MYO7A: variants seen among roughly 807,000 people sequenced by gnomAD.
MYO7A encodes the protein myosin VIIA.
In MYO7A, 210 loss-of-function variants were observed where a neutral mutation model predicts 263.8. The ratio of observed to expected loss-of-function variants is 0.80; its 90% CI spans 0.71 to 0.89. The LOEUF (loss-of-function observed/expected upper bound fraction) is 0.89, where lower values mean the gene tolerates loss of function less well. Ranked by LOEUF, MYO7A falls within the 40% of genes least tolerant of loss-of-function variation. MYO7A has a pLI of 0.00. For missense variants in MYO7A, 2,820 were observed against 2,968.3 expected, an observed-to-expected ratio of 0.95 and a Z score of 1.16; for synonymous variants, 1,239 against 1,197.3, an observed-to-expected ratio of 1.03 and a Z score of -0.72.
At chr11:77,209,003 G>A in intron 44 of MYO7A, 200 bp downstream of exon 44, 1 of 585,296 alleles carries the variant, frequency 1.7e-6, no homozygotes, top group South Asian at 2.1e-5. Flanking sequence ...TCAGCCCTTA[G>A]GGGCTTGACA....
chr11:77,208,626 G>T, intron 43 of MYO7A, 71 bp from the exon 44 acceptor site: 1 of 1,500,626 alleles, frequency 6.7e-7, no homozygotes, highest in South Asian at 1.2e-5. Flanking sequence ...GCCTCCTCTG[G>T]GTCTGGGCTC....
Position 77,202,397 on chromosome 11 carries a change from TG to T in MYO7A, c.5143del (p.Glu1715ArgfsTer16). The T allele has an allele frequency of 6.4e-7, 1 of 1,554,004 alleles. No homozygotes were observed. On this transcript the variant is annotated frameshift_variant, in exon 37 of 49. Transcript: ENST00000409709. LOFTEE classifies it high-confidence loss of function. ...GAGGTGCGTGCCAAGCCCTACACGCTGGAGGAGTTTTCCTATGACTACTTCA... is the reference window on the plus strand; with the variant it reads ...GAGGTGCGTGCCAAGCCCTACACGCTGAGGAGTTTTCCTATGACTACTTCA... ...EPEVRAKPYT[L>X]EEFSYDYFRP...
chr11:77,190,063 C>T lies in MYO7A; in HGVS notation c.3674C>T (p.Pro1225Leu), dbSNP rs772373370. 27 of 1,574,792 alleles carry T rather than the reference C, an allele frequency of 1.7e-5. No homozygotes were observed. Among genetic ancestry groups the T allele is most frequent in the Admixed American group, 5.6e-5 (3 of 54,026 alleles). Reference sequence around the variant, plus strand: ...CACGGGGGCCCGCCCGGCTACGCCCCGTACTGTGAGGAGCGCCTGAGAAGG... The same window carrying T: ...CACGGGGGCCCGCCCGGCTACGCCCTGTACTGTGAGGAGCGCCTGAGAAGG... ...FIHGGPPGYA[P>L]YCEERLRRTF... The change falls in exon 29 of 49, where the codon CCG (proline) becomes CTG (leucine). Residue 1225 changes from proline to leucine, a missense_variant. Transcript: ENST00000409709.
intron 4 of MYO7A, among the ~76,000 whole-genome samples, chr11:77,153,261 G>A (rs1434295273): frequency 6.6e-6 from 1 of 152,034 alleles, no homozygotes; most frequent in Non-Finnish European, 1.5e-5. Context: ...TGAGGGAGGG[G>A]TGTCCAGGGG....
chr11:77,191,137 T>C, intron 30 of MYO7A: 1 of 335,446 alleles, frequency 3.0e-6, no homozygotes, highest in Non-Finnish European at 5.5e-6. Context: ...CTGGCTAATG[T>C]AGTGAAACCT....
chr11:77,176,904 A>G (rs1369055139), intron 18 of MYO7A, among the ~76,000 whole-genome samples: 1 of 152,166 alleles, frequency 6.6e-6, no homozygotes, highest in African/African-American at 2.4e-5. Context: ...AAGTGAACCA[A>G]TGAAGTTTTG....
At chr11:77,172,991 T>C in intron 16 of MYO7A, 106 bp downstream of exon 16, 1 of 1,421,442 alleles carries the variant, frequency 7.0e-7, no homozygotes, top group Non-Finnish European at 9.4e-7. Flanking sequence ...ACTTTGTCCC[T>C]TTGGGGAATG....
intron 31 of MYO7A, among the ~76,000 whole-genome samples, chr11:77,193,480 AT>A (rs1394954022): frequency 1.4e-5 from 2 of 144,390 alleles, no homozygotes; most frequent in African/African-American, 5.2e-5. Flanking sequence ...GGTAGTGATG[AT>A]GGTGGTGATG....
intron 10 of MYO7A, 54 bp from the exon 11 acceptor site, chr11:77,160,109 G>C: frequency 2.0e-6 from 3 of 1,533,636 alleles, no homozygotes; most frequent in Non-Finnish European, 2.6e-6. Flanking sequence ...TCCGGGTGTG[G>C]GTGGAGGGAG....
chr11:77,205,625 G>GAAA lies in MYO7A; in HGVS notation c.5636+8_5636+9insAAA. ...GCTCCAGAAAGCCCTGAGGTACAGC[G>GAAA]GCCACCAGGGGCAGGGACAGACACT... On this transcript the variant is annotated intron_variant, in intron 40 of 48. Coordinates refer to ENST00000409709, the MANE Select transcript of MYO7A (RefSeq NM_000260.4). 2 of 1,612,964 alleles carry GAAA rather than the reference G, an allele frequency of 1.2e-6. No individual in the cohort carries two copies. Among genetic ancestry groups the GAAA allele is most frequent in the Non-Finnish European group, 1.7e-6 (2 of 1,179,738 alleles).
intron 30 of MYO7A, 55 bp downstream of exon 30, chr11:77,190,925 C>T (rs1406957552): frequency 4.4e-5 from 66 of 1,488,646 alleles, no homozygotes; most frequent in Admixed American, 1.3e-4. Flanking sequence ...GGCCCCACTC[C>T]GGGCTGCCAG....
chr11:77,181,688 T>C (rs1955198704), intron 23 of MYO7A, 99 bp downstream of exon 23: 3 of 1,176,342 alleles, frequency 2.6e-6, no homozygotes, highest in African/African-American at 3.0e-5. Flanking sequence ...ACCCAGTCCC[T>C]CTGAACAGTG....
chr11:77,199,651 G>T lies in MYO7A; in HGVS notation c.4685G>T (p.Gly1562Val), dbSNP rs1433214850. The T allele has an allele frequency of 1.2e-6, 2 of 1,612,542 alleles. No homozygotes were observed. Among genetic ancestry groups the T allele is most frequent in the Admixed American group, 3.3e-5 (2 of 59,886 alleles). Residue 1562 changes from glycine (G) to valine (V), a missense_variant, in exon 35 of 49, where the codon GGA becomes GTA. Coordinates refer to ENST00000409709, the MANE Select transcript of MYO7A (RefSeq NM_000260.4). ...TGTTCTCCGTGTTGGTCCTGCAGGG[G>T]AGCGAAAACGACGGCCCCCAGCTTC... ...GPCSPCWSCR[G>V]AKTTAPSFTL... is the part of the protein sequence containing the mutation.
chr11:77,180,262 T>TTTGG, intron 21 of MYO7A, 112 bp from the exon 22 acceptor site: 1 of 900,834 alleles, frequency 1.1e-6, no homozygotes, highest in Non-Finnish European at 1.8e-6. Flanking sequence ...ACTTGTCCTA[T>TTTGG]CAAAGTCATG....
chr11:77,154,290 G>A (rs1555059631), intron 4 of MYO7A, among the ~76,000 whole-genome samples: 1 of 152,188 alleles, frequency 6.6e-6, no homozygotes, highest in African/African-American at 2.4e-5. Flanking sequence ...TCTGATGCAG[G>A]TTTCCACCAG....
intron 3 of MYO7A, among the ~76,000 whole-genome samples, chr11:77,145,272 A>G (rs1263027154): frequency 1.3e-5 from 2 of 152,214 alleles, no homozygotes; most frequent in Non-Finnish European, 1.5e-5. Context: ...ACCTGGCAGG[A>G]GAAAGCTGTC....
At chr11:77,162,623 T>G (rs1208898044) in intron 13 of MYO7A, among the ~76,000 whole-genome samples, 2 of 152,208 alleles carry the variant, frequency 1.3e-5, no homozygotes, top group Admixed American at 6.5e-5. Context: ...CCCATGATTT[T>G]AATCTTGGGA....
At position 77,181,956 on chromosome 11, in the gene MYO7A, G is replaced by A. The variant is rs782651654; in HGVS notation, c.2910G>A (p.Leu970=). 1.2e-5 allele frequency: 20 copies of A among 1,612,982 alleles called. No homozygotes were observed. In the South Asian group the frequency reaches 2.2e-4, roughly 18 times the overall value. The change falls in exon 24 of 49, where the codon CTG becomes CTA. Residue 970 remains leucine, a synonymous_variant. Transcript: ENST00000409709. The part of the protein sequence containing the change: ...EGQAPSGFED[L]ERGRREMVEE... ...ATACCTCTTGTCTCCTTCAGGACCT[G>A]GAGCGAGGGCGGAGGGAGATGGTGG...
At chr11:77,137,951 G>A (rs1555048266) in intron 2 of MYO7A, among the ~76,000 whole-genome samples, 1 of 152,190 alleles carries the variant, frequency 6.6e-6, no homozygotes, top group African/African-American at 2.4e-5. Flanking sequence ...CCGCGTTCTA[G>A]TCCATAACAT....
Sources: allele counts gnomAD v4.1 joint callset (sites outside exome capture counted in the v4.1 genomes callset), GRCh38; gene constraint gnomAD v4.1.1; transcripts MANE v1.5; gene names NCBI Gene and HGNC (gene_info 2026-07-23, HGNC 2026-07-21).